NHS: variants seen among roughly 807,000 people sequenced by gnomAD.
The protein encoded by NHS is NHS actin remodeling regulator.
In NHS, 5 loss-of-function variants were observed where a neutral mutation model predicts 72.5. That is an observed-to-expected ratio of 0.07 (90% CI 0.04 to 0.14). The LOEUF (loss-of-function observed/expected upper bound fraction) is 0.14. Ranked by LOEUF, NHS falls within the 10% of genes least tolerant of loss-of-function variation. The pLI is 1.00. For synonymous variants in NHS, 464 were observed against 547.7 expected, an observed-to-expected ratio of 0.85 and a Z score of 2.13; for missense variants, 1,072 against 1,355.7, an observed-to-expected ratio of 0.79 and a Z score of 3.29.
chrX:17,587,741 G>C (rs762817412), intron 1 of NHS, among the ~76,000 whole-genome samples: 1 of 111,931 alleles, frequency 8.9e-6, no homozygotes, highest in Non-Finnish European at 1.9e-5. Flanking sequence ...AAATTGACCA[G>C]TGAAAATCAA....
At chrX:17,502,369 C>T (rs1385703467) in intron 1 of NHS, among the ~76,000 whole-genome samples, 2 of 111,406 alleles carry the variant, frequency 1.8e-5, no homozygotes, top group Non-Finnish European at 3.8e-5. Context: ...TCCTTCCATG[C>T]CCCTTTTCTG....
At chrX:17,554,405 G>A (rs190617879) in intron 1 of NHS, among the ~76,000 whole-genome samples, 3,839 of 112,106 alleles carry the variant, frequency 0.034, 136 homozygotes, top group African/African-American at 0.087. Flanking sequence ...GGCCAGAGCT[G>A]GAGGGGGGAC....
intron 1 of NHS, among the ~76,000 whole-genome samples, chrX:17,610,292 A>G (rs983408929): frequency 1.8e-5 from 2 of 112,253 alleles, no homozygotes. Flanking sequence ...AGGAAAAAGA[A>G]CTAATATCAA....
intron 1 of NHS, among the ~76,000 whole-genome samples, chrX:17,529,415 G>A (rs1215415288): frequency 1.8e-5 from 2 of 111,955 alleles, no homozygotes; most frequent in African/African-American, 6.5e-5. Context: ...AGAGAAATGC[G>A]AAGGGGTTGG....
rs1247766946 is a variant in NHS at position 17,556,612 on chromosome X, G to A, written c.566-131130G>A. Among the ~76,000 whole-genome samples, 3 of 112,895 alleles carry A rather than the reference G, an allele frequency of 2.7e-5. No homozygotes were observed. In the East Asian group the frequency reaches 8.3e-4, roughly 31 times the overall value. Reference sequence around the variant, plus strand: ...CTCCACTTTATAGATGAAGAAAATGGAGAGAAGTTAAGTAATTTTCCCAAA... The same window carrying A: ...CTCCACTTTATAGATGAAGAAAATGAAGAGAAGTTAAGTAATTTTCCCAAA... On this transcript the variant is annotated intron_variant, in intron 1 of 8. Transcript: ENST00000676302.
intron 1 of NHS, among the ~76,000 whole-genome samples, chrX:17,398,959 T>C (rs1401930138): frequency 1.8e-5 from 2 of 112,100 alleles, no homozygotes; most frequent in Non-Finnish European, 3.8e-5. Flanking sequence ...AAGTTATTGC[T>C]ATATCTTTTC....
rs999253573 is a variant in NHS, at chrX:17,542,395, T to C, written c.566-145347T>C. Among the ~76,000 whole-genome samples, 6 of 113,486 alleles carry C rather than the reference T, an allele frequency of 5.3e-5. No homozygotes were observed. In the East Asian group the frequency reaches 1.7e-3, roughly 32 times the overall value. On this transcript the variant is annotated intron_variant, in intron 1 of 8. Coordinates refer to ENST00000676302, the MANE Select transcript of NHS (RefSeq NM_001291867.2). The stretch of plus-strand genomic sequence containing the variant: ...CACTGGTGCTTATTCCTTCCTGGCA[T>C]TGGCCCATGCCAGCAGGAACAAGGA...
intron 1 of NHS, among the ~76,000 whole-genome samples, chrX:17,501,622 G>T (rs2065036673): frequency 9.0e-6 from 1 of 110,626 alleles, no homozygotes. Context: ...AACTATTCAG[G>T]AGGCTGAAAT....
intron 1 of NHS, among the ~76,000 whole-genome samples, chrX:17,433,595 G>A (rs1385093086): frequency 9.0e-6 from 1 of 111,136 alleles, no homozygotes; most frequent in African/African-American, 3.3e-5. Flanking sequence ...GAGGAAAGGT[G>A]GCAGGTCAAA....
intron 1 of NHS, among the ~76,000 whole-genome samples, chrX:17,498,309 G>C (rs916090838): frequency 2.7e-5 from 3 of 111,703 alleles, no homozygotes; most frequent in Non-Finnish European, 5.6e-5. Context: ...TGTCCCTGCA[G>C]GGATCTCAAA....
At chrX:17,574,787 C>T (rs940619552) in intron 1 of NHS, among the ~76,000 whole-genome samples, 4 of 111,429 alleles carry the variant, frequency 3.6e-5, no homozygotes, top group Non-Finnish European at 7.5e-5. Context: ...GCATCGATCT[C>T]GCTGGGAGCT....
At chrX:17,412,162 G>T (rs1393604174) in intron 1 of NHS, among the ~76,000 whole-genome samples, 1 of 109,604 alleles carries the variant, frequency 9.1e-6, no homozygotes, top group African/African-American at 3.3e-5. Flanking sequence ...TAACATTAGT[G>T]TGGCTCCATT....
At chrX:17,722,157 G>T (rs1272501604) in intron 5 of NHS, among the ~76,000 whole-genome samples, 1 of 112,242 alleles carries the variant, frequency 8.9e-6, no homozygotes, top group Non-Finnish European at 1.9e-5. Flanking sequence ...TTTAAAACCA[G>T]CAAGGCTGTC....
At chrX:17,448,704 A>G (rs942279948) in intron 1 of NHS, among the ~76,000 whole-genome samples, 8 of 111,904 alleles carry the variant, frequency 7.1e-5, no homozygotes, top group African/African-American at 2.6e-4. Context: ...TTTAATGAGC[A>G]GGAGCTTTGT....
chrX:17,414,469 G>A (rs1354883641), intron 1 of NHS, among the ~76,000 whole-genome samples: 1 of 112,052 alleles, frequency 8.9e-6, no homozygotes. Context: ...AAAAATATGT[G>A]GGCTTTCCAG....
intron 1 of NHS, among the ~76,000 whole-genome samples, chrX:17,526,726 G>C (rs754103263): frequency 8.9e-6 from 1 of 111,906 alleles, no homozygotes; most frequent in Admixed American, 9.5e-5. Context: ...AATTTGTAGG[G>C]GAGGAGGAAA....
intron 3 of NHS, among the ~76,000 whole-genome samples, chrX:17,700,747 TG>T (rs1392423104): frequency 9.0e-6 from 1 of 111,727 alleles, no homozygotes; most frequent in African/African-American, 3.3e-5. Flanking sequence ...TACAAGATGT[TG>T]GAAACAACCC....
chrX:17,726,448 C>T lies in NHS; in HGVS notation c.2342C>T (p.Thr781Met), dbSNP rs147066436. ...ACTAGCTCTCACTTTTCAGTAGACACGGAAGGATACTATACCTCCATGCAC... is the reference window on the plus strand; with the variant it reads ...ACTAGCTCTCACTTTTCAGTAGACATGGAAGGATACTATACCTCCATGCAC... ...ADTSSHFSVDTEGYYTSMHFD... is the reference protein window; with the variant it reads ...ADTSSHFSVDMEGYYTSMHFD... The change falls in exon 7 of 9, where the codon ACG becomes ATG. Residue 781 changes from threonine (T) to methionine (M), a missense_variant. Thr to Met is a moderately conservative substitution (Grantham distance 81, BLOSUM62 -1). Transcript: ENST00000676302. 30 of 1,210,465 alleles carry T rather than the reference C, an allele frequency of 2.5e-5. No individual in the cohort carries two copies. Among genetic ancestry groups the T allele is most frequent in the African/African-American group, 1.6e-4 (9 of 57,361 alleles).
intron 1 of NHS, among the ~76,000 whole-genome samples, chrX:17,392,109 T>C (rs977796627): frequency 2.9e-4 from 32 of 111,778 alleles, no homozygotes; most frequent in Admixed American, 1.9e-4. Flanking sequence ...ATTGCTCCAA[T>C]TGTAGGAAGG....
Sources: gnomAD v4.1 joint callset for allele counts (sites outside exome capture counted in the v4.1 genomes callset) on GRCh38, gnomAD v4.1.1 for gene constraint, MANE v1.5 for transcripts, NCBI Gene and HGNC (gene_info 2026-07-23, HGNC 2026-07-21) for gene names.